The following MICAL3 variants were observed in gnomAD, a reference collection of about 807,000 sequenced individuals.
MICAL3 encodes the protein microtubule associated monooxygenase, calponin and LIM domain containing 3.
MICAL3 carries 62 observed loss-of-function variants against 207.4 expected under a neutral mutation model. The ratio of observed to expected loss-of-function variants is 0.30; its 90% CI spans 0.24 to 0.37. MICAL3 has a LOEUF of 0.37. Ranked by LOEUF, MICAL3 falls within the 10% of genes least tolerant of loss-of-function variation. MICAL3 has a pLI of 1.00. For missense variants in MICAL3, 2,368 were observed against 2,635.6 expected (o/e 0.90, Z 2.22); for synonymous variants, 1,077 against 1,069.3 (o/e 1.01, Z -0.14).
chr22:17,837,688 G>C (rs911172159), intron 20 of MICAL3, among the ~76,000 whole-genome samples: 4 of 152,202 alleles, frequency 2.6e-5, no homozygotes, highest in African/African-American at 9.7e-5. Flanking sequence ...GATTAGGCCT[G>C]GGCCAAGGGT....
At chr22:17,916,568 G>A (rs370671482) in intron 1 of MICAL3, among the ~76,000 whole-genome samples, 4 of 152,308 alleles carry the variant, frequency 2.6e-5, no homozygotes, top group East Asian at 1.9e-4. Flanking sequence ...GCCTCATCAA[G>A]GTCATGAATG....
In MICAL3 at chr22:17,849,644, A is replaced by ATGTATGTGTGTG. The variant is rs1925038996; in HGVS notation, c.2606-7628_2606-7627insCACACACATACA. On this transcript the variant is annotated intron_variant, in intron 19 of 31. Coordinates refer to ENST00000441493, the MANE Select transcript of MICAL3 (RefSeq NM_015241.3). ...GCCACTGTGCCTGGCCCAGAATGGA[A>ATGTATGTGTGTG]TGTGTGTGTGTGTGTGTGTGTGTGT... 3.8e-5 allele frequency among the ~76,000 whole-genome samples: 3 copies of ATGTATGTGTGTG among 79,464 alleles called. No homozygotes were observed. In the South Asian group the frequency reaches 1.5e-3, roughly 40 times the overall value. 52.1% of individuals were successfully genotyped at this position (79,464 alleles called of 152,430 possible). A position where few individuals can be genotyped will look rare whatever the true frequency, so the allele number is the denominator to read the frequency against.
chr22:17,957,325 C>T (rs1934664292), intron 1 of MICAL3, among the ~76,000 whole-genome samples: 1 of 152,162 alleles, frequency 6.6e-6, no homozygotes, highest in African/African-American at 2.4e-5. Context: ...CTCTAGGGTC[C>T]TTTTACATAA....
chr22:18,016,477 C>A (rs1038147022), intron 1 of MICAL3, among the ~76,000 whole-genome samples: 3 of 151,932 alleles, frequency 2.0e-5, no homozygotes, highest in Non-Finnish European at 4.4e-5. Flanking sequence ...GTTCTATGAT[C>A]CTGAAAAGTC....
At chr22:17,805,965 G>C (rs1236134856) in intron 29 of MICAL3, among the ~76,000 whole-genome samples, 1 of 152,196 alleles carries the variant, frequency 6.6e-6, no homozygotes, top group Non-Finnish European at 1.5e-5. Context: ...CCCGGCCTCA[G>C]GTGATCCGCC....
chr22:17,956,372 A>G (rs1158254235), intron 1 of MICAL3, among the ~76,000 whole-genome samples: 1 of 152,178 alleles, frequency 6.6e-6, no homozygotes, highest in African/African-American at 2.4e-5. Flanking sequence ...TATGGTACCT[A>G]CAGAAATCCA....
At chr22:17,867,995 CT>C (rs1927323573) in intron 17 of MICAL3, among the ~76,000 whole-genome samples, 1 of 152,150 alleles carries the variant, frequency 6.6e-6, no homozygotes, top group East Asian at 1.9e-4. Flanking sequence ...GTATCCTAAA[CT>C]AATAAAGAAA....
intron 1 of MICAL3, among the ~76,000 whole-genome samples, chr22:18,002,248 C>T (rs547209992): frequency 1.3e-5 from 2 of 152,070 alleles, no homozygotes; most frequent in South Asian, 4.2e-4. Flanking sequence ...TCTTAGTTGC[C>T]GCAAAATGAA....
At chr22:17,838,553 C>A (rs1004960548) in intron 20 of MICAL3, among the ~76,000 whole-genome samples, 1 of 152,190 alleles carries the variant, frequency 6.6e-6, no homozygotes, top group Non-Finnish European at 1.5e-5. Flanking sequence ...CTATGAAGTG[C>A]AGCACCTTTG....
chr22:17,898,501 C>T (rs1435082403), intron 7 of MICAL3, among the ~76,000 whole-genome samples: 1 of 152,250 alleles, frequency 6.6e-6, no homozygotes, highest in Non-Finnish European at 1.5e-5. Context: ...ACTCCCCGCT[C>T]TGCTGTCATA....
chr22:17,790,259 C>T lies in MICAL3; in HGVS notation c.*473G>A, dbSNP rs1052201087. 2.6e-5 allele frequency: 4 copies of T among 156,524 alleles called. No homozygotes were observed. The highest frequency in any genetic ancestry group is 2.0e-4 in the South Asian group (1 of 5,094). 9.7% of individuals were successfully genotyped at this position (156,524 alleles called of 1,614,324 possible). On this transcript the variant is annotated 3_prime_UTR_variant, in exon 32 of 32. Transcript: ENST00000441493. Reference sequence around the variant, plus strand: ...GACTGGACGCCCCCATCCTGGGTCTCGATCGCACCCTGACCCCTGACCCTG... The same window carrying T: ...GACTGGACGCCCCCATCCTGGGTCTTGATCGCACCCTGACCCCTGACCCTG...
At chr22:17,957,708 CAA>C (rs374917425) in intron 1 of MICAL3, among the ~76,000 whole-genome samples, 20,008 of 105,376 alleles carry the variant, frequency 0.19, 1,201 homozygotes, top group Middle Eastern at 0.25. Context: ...GAAACTATGT[CAA>C]AAAAAAAAAA....
At chr22:17,951,378 C>T (rs9306202) in intron 1 of MICAL3, among the ~76,000 whole-genome samples, 11 of 151,852 alleles carry the variant, frequency 7.2e-5, no homozygotes, top group Middle Eastern at 3.2e-3. Context: ...TTACTATTGT[C>T]GGTGAAATTC....
chr22:17,995,804 T>C (rs1313852552), intron 1 of MICAL3, among the ~76,000 whole-genome samples: 1 of 151,816 alleles, frequency 6.6e-6, no homozygotes, highest in Non-Finnish European at 1.5e-5. Context: ...CCACCACACC[T>C]GGCCTCTTTT....
In MICAL3 at chr22:18,024,420, G is replaced by C. The variant is rs1432985852; in HGVS notation, c.-214C>G. On this transcript the variant is annotated 5_prime_UTR_variant, in exon 1 of 32. Coordinates refer to ENST00000441493, the MANE Select transcript of MICAL3 (RefSeq NM_015241.3). ...GCTGCGATCCCGCCCAGTTAGCCTC[G>C]GGGGCTGCACAGCCCAGCCCCCTCG... The C allele has an allele frequency of 6.6e-6, 1 of 152,170 alleles. No homozygotes were observed. The highest frequency in any genetic ancestry group is 1.5e-5 in the Non-Finnish European group (1 of 68,058). The allele number at this position is 152,170 out of a possible 1,614,324, so 9.4% of individuals were successfully genotyped here.
rs1422063194 is a variant in MICAL3 at position 17,875,587 on chromosome 22, A to C, written c.2242-3564T>G. ...ATACAAGATGGAGAAAAACAAAAGT[A>C]AAGGAAATGTTAAATTAAGTCACAC... On this transcript the variant is annotated intron_variant, in intron 16 of 31. Transcript: ENST00000441493. 2.8e-6 allele frequency: 4 copies of C among 1,405,180 alleles called. No individual in the cohort carries two copies. The South Asian group carries it at 5.1e-5, about 18-fold the overall frequency. The allele number at this position is 1,405,180 out of a possible 1,614,324, so 87.0% of individuals were successfully genotyped here.
intron 19 of MICAL3, among the ~76,000 whole-genome samples, chr22:17,850,339 C>T (rs533839799): frequency 2.8e-4 from 42 of 152,030 alleles, no homozygotes; most frequent in African/African-American, 9.4e-4. Context: ...AAGAGCTCCC[C>T]ATCACCGCAG....
chr22:17,851,629 T>C (rs993912475), intron 19 of MICAL3, among the ~76,000 whole-genome samples: 10 of 152,220 alleles, frequency 6.6e-5, no homozygotes, highest in African/African-American at 2.2e-4. Flanking sequence ...AGAGACTTCA[T>C]GACCACCATG....
chr22:18,001,989 A>C (rs961021615), intron 1 of MICAL3, among the ~76,000 whole-genome samples: 4 of 151,570 alleles, frequency 2.6e-5, no homozygotes, highest in African/African-American at 7.3e-5. Flanking sequence ...CTTGAGGTCA[A>C]GAGTTCAAGA....
Sources: allele counts gnomAD v4.1 joint callset (sites outside exome capture counted in the v4.1 genomes callset), GRCh38; gene constraint gnomAD v4.1.1; transcripts MANE v1.5; gene names NCBI Gene and HGNC (gene_info 2026-07-23, HGNC 2026-07-21).